The following PRICKLE2 variants were observed in gnomAD, a reference collection of about 807,000 sequenced individuals.
PRICKLE2 encodes the protein prickle-like protein 2.
Under a neutral mutation model 81.4 loss-of-function variants are expected in PRICKLE2, and 21 were observed. The ratio of observed to expected loss-of-function variants is 0.26; its 90% confidence interval spans 0.18 to 0.37. The LOEUF is 0.37. Ranked by LOEUF, PRICKLE2 falls within the 10% of genes least tolerant of loss-of-function variation. The pLI is 1.00. For missense variants in PRICKLE2, 940 were observed against 1,109.0 expected, an observed-to-expected ratio of 0.85 and a Z score of 2.16; for synonymous variants, 456 against 421.5, an observed-to-expected ratio of 1.08 and a Z score of -1.00.
At chr3:64,149,306 C>T (rs928898547) in intron 6 of PRICKLE2, among the ~76,000 whole-genome samples, 24 of 152,358 alleles carry the variant, frequency 1.6e-4, no homozygotes, top group Non-Finnish European at 2.4e-4. Flanking sequence ...AAAAAATCTG[C>T]TCTCCTGGCA....
intron 2 of PRICKLE2, among the ~76,000 whole-genome samples, chr3:64,263,867 C>T (rs751774659): frequency 6.6e-6 from 1 of 152,162 alleles, no homozygotes; most frequent in Non-Finnish European, 1.5e-5. Context: ...CAAGTTGTTG[C>T]CACGAGGGCC....
At chr3:64,143,568 C>T (rs986534255) in intron 7 of PRICKLE2, among the ~76,000 whole-genome samples, 1 of 152,170 alleles carries the variant, frequency 6.6e-6, no homozygotes, top group Non-Finnish European at 1.5e-5. Context: ...TGAGCCACAA[C>T]GTGAGGATGA....
At chr3:64,241,371 G>A (rs902101566) in intron 2 of PRICKLE2, among the ~76,000 whole-genome samples, 3 of 152,102 alleles carry the variant, frequency 2.0e-5, no homozygotes, top group Admixed American at 6.5e-5. Context: ...ACACCAGGGC[G>A]GAGAGTCAGC....
chr3:64,235,155 T>C (rs573316184), intron 2 of PRICKLE2, among the ~76,000 whole-genome samples: 33 of 152,338 alleles, frequency 2.2e-4, no homozygotes, highest in Admixed American at 1.4e-3. Flanking sequence ...AAATCTACTC[T>C]TGAACCCCTC....
Position 64,098,950 on chromosome 3 carries a change from CA to C in PRICKLE2, c.*100del, listed in dbSNP as rs1234087722. The C allele has an allele frequency of 1.1e-5, 16 of 1,425,896 alleles. No homozygotes were observed. The African/African-American group carries it at 1.8e-4, about 16-fold the overall frequency. The allele number at this position is 1,425,896 out of a possible 1,614,324, so 88.3% of individuals were successfully genotyped here. ...TGACAGCATTTTCCCTTTTCTCCCC[CA>C]TAAGCCACCCCCAAAAGCGCTTTAA... is the stretch of plus-strand genomic sequence containing the variant. On this transcript the variant is annotated 3_prime_UTR_variant, in exon 8 of 8. Coordinates refer to ENST00000638394, the MANE Select transcript of PRICKLE2 (RefSeq NM_198859.4).
chr3:64,189,492 G>A (rs1185203026), intron 2 of PRICKLE2, among the ~76,000 whole-genome samples: 1 of 152,160 alleles, frequency 6.6e-6, no homozygotes, highest in African/African-American at 2.4e-5. Context: ...AGGGGTGGAG[G>A]AGGAAAAGCC....
At chr3:64,156,260 G>A (rs1332881735) in intron 5 of PRICKLE2, among the ~76,000 whole-genome samples, 1 of 152,160 alleles carries the variant, frequency 6.6e-6, no homozygotes, top group Non-Finnish European at 1.5e-5. Flanking sequence ...AGCCTGATCA[G>A]CTTCCTCCTA....
intron 7 of PRICKLE2, among the ~76,000 whole-genome samples, chr3:64,137,096 G>C (rs1337996684): frequency 3.3e-5 from 5 of 152,042 alleles, no homozygotes; most frequent in Non-Finnish European, 7.4e-5. Flanking sequence ...ATGAACACTG[G>C]TCAAGTGGTG....
At chr3:64,252,327 C>T (rs2079459775) in intron 2 of PRICKLE2, among the ~76,000 whole-genome samples, 1 of 152,192 alleles carries the variant, frequency 6.6e-6, no homozygotes, top group South Asian at 2.1e-4. Context: ...AAAGTTCAAG[C>T]TTGGTCACCA....
chr3:64,219,321 G>A (rs992758560), intron 1 of PRICKLE2, among the ~76,000 whole-genome samples: 6 of 152,150 alleles, frequency 3.9e-5, no homozygotes, highest in South Asian at 2.1e-4. Context: ...CTCAGAAAAC[G>A]GAAACATACA....
chr3:64,162,965 T>C (rs748680330), intron 3 of PRICKLE2, 51 bp downstream of exon 3: 7 of 1,106,754 alleles, frequency 6.3e-6, no homozygotes, highest in African/African-American at 1.5e-5. Flanking sequence ...AAGGTAACAA[T>C]TCATAGAAGG....
intron 5 of PRICKLE2, chr3:64,153,896 C>T (rs1054941372): frequency 3.2e-5 from 5 of 158,298 alleles, no homozygotes; most frequent in African/African-American, 1.2e-4. Flanking sequence ...ATTCTTCACC[C>T]TTCCCTATTG....
At chr3:64,206,944 G>C (rs2078697544) in intron 1 of PRICKLE2, among the ~76,000 whole-genome samples, 2 of 152,192 alleles carry the variant, frequency 1.3e-5, no homozygotes, top group African/African-American at 4.8e-5. Context: ...CTGTCACCCA[G>C]GCTGGAGGGC....
intron 2 of PRICKLE2, among the ~76,000 whole-genome samples, chr3:64,164,274 G>A (rs576608009): frequency 6.4e-4 from 98 of 152,260 alleles, no homozygotes; most frequent in African/African-American, 2.1e-3. Context: ...CTACTCAGGA[G>A]GCTAAGGCAG....
At chr3:64,259,517 G>C (rs1460251176) in intron 2 of PRICKLE2, among the ~76,000 whole-genome samples, 1 of 152,162 alleles carries the variant, frequency 6.6e-6, no homozygotes, top group Non-Finnish European at 1.5e-5. Flanking sequence ...CTCCGTGGTA[G>C]GTTGCAAAAT....
intron 2 of PRICKLE2, among the ~76,000 whole-genome samples, chr3:64,240,040 T>C (rs553400847): frequency 6.6e-6 from 1 of 151,638 alleles, no homozygotes; most frequent in South Asian, 2.1e-4. Context: ...GGAGGATCAC[T>C]TGAGGCTGGG....
chr3:64,256,859 G>C (rs1340443658), intron 2 of PRICKLE2, among the ~76,000 whole-genome samples: 1 of 152,078 alleles, frequency 6.6e-6, no homozygotes, highest in Non-Finnish European at 1.5e-5. Context: ...TATCCCATCA[G>C]TCACATATGC....
At position 64,116,670 on chromosome 3, in the gene PRICKLE2, C is replaced by T. The variant is rs557180222; in HGVS notation, c.1661-16745G>A. ...GGAAGAAATTGAATCCCTGAACAGA[C>T]CAATAATGAGCTCTGAAATTGAGGC... On this transcript the variant is annotated intron_variant, in intron 7 of 7. Coordinates refer to ENST00000638394, the MANE Select transcript of PRICKLE2 (RefSeq NM_198859.4). Among the ~76,000 whole-genome samples, 11 of 152,226 alleles carry T rather than the reference C, an allele frequency of 7.2e-5. No homozygotes were observed. In the South Asian group the frequency reaches 1.7e-3, roughly 23 times the overall value.
intron 3 of PRICKLE2, among the ~76,000 whole-genome samples, chr3:64,160,693 T>C (rs770355263): frequency 1.3e-5 from 2 of 152,226 alleles, no homozygotes; most frequent in Admixed American, 1.3e-4. Context: ...TAGACTTCAG[T>C]TGAGTCGACT....
Sources: allele counts gnomAD v4.1 joint callset (sites outside exome capture counted in the v4.1 genomes callset), GRCh38; gene constraint gnomAD v4.1.1; transcripts MANE v1.5; gene names NCBI Gene and HGNC (gene_info 2026-07-23, HGNC 2026-07-21).